The following ESR1 variants were observed in gnomAD, a reference collection of about 807,000 sequenced individuals.
ESR1 encodes the protein estrogen receptor 1, also known as estrogen receptor.
A neutral mutation model predicts 52.7 loss-of-function variants in ESR1; 12 were observed. That is an observed-to-expected ratio of 0.23 (90% confidence interval 0.15 to 0.37). The LOEUF (loss-of-function observed/expected upper bound fraction) is 0.37. Among genes scored for constraint, ESR1 ranks in the 10% least tolerant of loss-of-function variants. ESR1 has a pLI of 1.00. For synonymous variants in ESR1, 305 were observed against 316.8 expected (o/e 0.96, Z 0.39); for missense variants, 584 against 779.7 (o/e 0.75, Z 2.99).
upstream of ESR1, among the ~76,000 whole-genome samples, chr6:151,806,530 G>GTATATGTATATATATATATATATA (rs1554259016): frequency 8.3e-5 from 8 of 96,464 alleles, no homozygotes; most frequent in Non-Finnish European, 1.7e-4. Context: ...TCCTTAATAT[G>GTATATGTATATATATATATATATA]TATATATATA....
chr6:151,954,946 G>GTGAA, intron 4 of ESR1, among the ~76,000 whole-genome samples: 1 of 152,110 alleles, frequency 6.6e-6, no homozygotes, highest in South Asian at 2.1e-4. Flanking sequence ...CCTTTACATT[G>GTGAA]GGTCTGTGGA....
chr6:152,009,377 C>A (rs1290755368), intron 4 of ESR1, among the ~76,000 whole-genome samples: 1 of 152,020 alleles, frequency 6.6e-6, no homozygotes, highest in Non-Finnish European at 1.5e-5. Context: ...CTTGTGCCTA[C>A]AGTGAGTATA....
At chr6:151,795,034 G>C (rs1776555631) in intron 2 of ESR1, among the ~76,000 whole-genome samples, 5 of 152,074 alleles carry the variant, frequency 3.3e-5, no homozygotes, top group Admixed American at 3.3e-4. Flanking sequence ...AAATAATGGA[G>C]CAAAATAGCA....
At chr6:152,120,838 C>T (rs560275500) in intron 6 of ESR1, among the ~76,000 whole-genome samples, 5 of 152,224 alleles carry the variant, frequency 3.3e-5, no homozygotes, top group South Asian at 2.1e-4. Context: ...AAAGCACAGA[C>T]GGCAGTTTCA....
At chr6:151,862,544 A>G (rs994165204) in intron 2 of ESR1, among the ~76,000 whole-genome samples, 1 of 152,156 alleles carries the variant, frequency 6.6e-6, no homozygotes, top group Non-Finnish European at 1.5e-5. Flanking sequence ...TTTGGAGAGG[A>G]GACCAAGGCC....
At chr6:152,002,982 G>GT (rs900465266) in intron 4 of ESR1, among the ~76,000 whole-genome samples, 1 of 151,852 alleles carries the variant, frequency 6.6e-6, no homozygotes, top group Non-Finnish European at 1.5e-5. Context: ...GTGGGGATGG[G>GT]TTTTTTTGTG....
At chr6:151,887,455 G>T (rs1481519722) in intron 3 of ESR1, among the ~76,000 whole-genome samples, 3 of 152,018 alleles carry the variant, frequency 2.0e-5, no homozygotes, top group Non-Finnish European at 4.4e-5. Context: ...TGAATCCAAT[G>T]TTTGACAGTA....
intron 2 of ESR1, among the ~76,000 whole-genome samples, chr6:151,711,093 A>G (rs923480322): frequency 2.0e-5 from 3 of 152,136 alleles, no homozygotes; most frequent in Admixed American, 2.0e-4. Flanking sequence ...GTCAAACGGT[A>G]TTTCTAGTTC....
intron 6 of ESR1, among the ~76,000 whole-genome samples, chr6:152,068,022 A>G (rs967324537): frequency 2.6e-5 from 4 of 152,242 alleles, no homozygotes; most frequent in African/African-American, 9.6e-5. Context: ...TTCTTAAATT[A>G]AATACAAACT....
At chr6:151,903,481 G>T (rs770781895) in intron 3 of ESR1, among the ~76,000 whole-genome samples, 2 of 152,164 alleles carry the variant, frequency 1.3e-5, no homozygotes, top group Non-Finnish European at 2.9e-5. Context: ...TTTGGCCTCT[G>T]CCCTCTACCT....
chr6:151,916,168 G>A (rs1437209039), intron 3 of ESR1, among the ~76,000 whole-genome samples: 1 of 152,152 alleles, frequency 6.6e-6, no homozygotes, highest in Non-Finnish European at 1.5e-5. Context: ...TGATATTCAG[G>A]AACAAATCAC....
chr6:152,038,485 T>A (rs2045506014), intron 5 of ESR1, among the ~76,000 whole-genome samples: 1 of 152,162 alleles, frequency 6.6e-6, no homozygotes, highest in African/African-American at 2.4e-5. Flanking sequence ...CCTTAAATCA[T>A]ACATGATCTC....
chr6:151,970,598 G>T (rs1286122473), intron 4 of ESR1, among the ~76,000 whole-genome samples: 1 of 152,078 alleles, frequency 6.6e-6, no homozygotes, highest in Non-Finnish European at 1.5e-5. Flanking sequence ...GCTGTACAGG[G>T]AATTATTCAC....
intron 2 of ESR1, among the ~76,000 whole-genome samples, chr6:151,709,238 C>G (rs927372382): frequency 3.9e-5 from 6 of 152,004 alleles, no homozygotes; most frequent in African/African-American, 1.4e-4. Flanking sequence ...TGGTATTTGT[C>G]TTTCTGTGCC....
At chr6:151,839,727 T>C (rs145394123) in intron 1 of ESR1, among the ~76,000 whole-genome samples, 16 of 152,276 alleles carry the variant, frequency 1.1e-4, no homozygotes, top group African/African-American at 3.4e-4. Context: ...AAGTAGGGTT[T>C]CACTTAATGA....
intron 2 of ESR1, among the ~76,000 whole-genome samples, chr6:151,754,393 A>T (rs1784127498): frequency 1.3e-5 from 2 of 151,852 alleles, no homozygotes; most frequent in African/African-American, 4.8e-5. Flanking sequence ...TGGCCTGTAA[A>T]GTAAGATTTA....
At position 152,061,190 on chromosome 6, in the gene ESR1, A is replaced by G. The variant is rs2273207; in HGVS notation, c.1369+66A>G. On this transcript the variant is annotated intron_variant, in intron 6 of 7. Coordinates refer to ENST00000206249, the MANE Select transcript of ESR1 (RefSeq NM_000125.4). The surrounding 1 kb of genome is among the most constrained non-coding windows in gnomAD (Gnocchi z 4.3). ...GTTTATTTGTAGTTTTCAACCAGAT[A>G]CGATCTACCCACTCCAAAGGCATAA... is the stretch of plus-strand genomic sequence containing the variant. 0.1 allele frequency: 149,239 copies of G among 1,487,136 alleles called. 9,545 individuals carry two copies. Among genetic ancestry groups the G allele is most frequent in the East Asian group, 0.32 (14,161 of 44,224 alleles). 92.1% of individuals were successfully genotyped at this position (1,487,136 alleles called of 1,614,324 possible). A position where few individuals can be genotyped will look rare whatever the true frequency, so the allele number is the denominator to read the frequency against.
chr6:151,800,856 G>A (rs1777167860), upstream of ESR1, among the ~76,000 whole-genome samples: 1 of 152,152 alleles, frequency 6.6e-6, no homozygotes, highest in African/African-American at 2.4e-5. Context: ...GAGAAGGGAG[G>A]AGCTCTCGCA....
intron 1 of ESR1, among the ~76,000 whole-genome samples, chr6:151,683,741 C>T (rs1376184224): frequency 6.6e-6 from 1 of 151,884 alleles, no homozygotes; most frequent in Non-Finnish European, 1.5e-5. Context: ...CTCTGTCGCC[C>T]AGGCTAGAGT....
Sources: gnomAD v4.1 joint callset for allele counts (sites outside exome capture counted in the v4.1 genomes callset) on GRCh38, gnomAD v4.1.1 for gene constraint, Gnocchi (gnomAD v3.1) non-coding constraint, MANE v1.5 for transcripts, NCBI Gene and HGNC (gene_info 2026-07-23, HGNC 2026-07-21) for gene names.